IQCM: variants seen among roughly 807,000 people sequenced by gnomAD.
IQCM encodes the protein IQ domain-containing protein M.
In IQCM, 45 loss-of-function variants were observed where a neutral mutation model predicts 57.6. The observed-to-expected ratio is 0.78, with a 90% CI of 0.62 to 1.00. The LOEUF (loss-of-function observed/expected upper bound fraction) is 1.00, where lower values mean the gene tolerates loss of function less well. Among genes scored for constraint, IQCM ranks in the 50% least tolerant of loss-of-function variants. IQCM has a pLI of 0.00. For missense variants in IQCM, 468 were observed against 511.6 expected (o/e 0.91, Z 0.82); for synonymous variants, 148 against 158.9 (o/e 0.93, Z 0.51).
At chr4:149,520,198 ACCGTATATAAGGTGGGCAC>A (rs1385306357) in intron 12 of IQCM, among the ~76,000 whole-genome samples, 8 of 151,026 alleles carry the variant, frequency 5.3e-5, no homozygotes, top group Non-Finnish European at 7.4e-5. Flanking sequence ...TCCACAAAAA[ACCGTATATAAGGTGGGCAC>A]CATTTTTTTT....
intron 8 of IQCM, among the ~76,000 whole-genome samples, chr4:149,595,179 T>C (rs764082903): frequency 1.3e-5 from 2 of 152,188 alleles, no homozygotes; most frequent in African/African-American, 4.8e-5. Context: ...TTAGCTCTTC[T>C]TGTTGAATTG....
intron 12 of IQCM, among the ~76,000 whole-genome samples, chr4:149,491,852 T>C (rs1044162413): frequency 2.0e-5 from 3 of 152,098 alleles, no homozygotes; most frequent in Admixed American, 6.6e-5. Flanking sequence ...ATAGTGGCCA[T>C]ACTAATTTAT....
At chr4:149,518,295 A>G (rs1745203563) in intron 12 of IQCM, among the ~76,000 whole-genome samples, 2 of 152,194 alleles carry the variant, frequency 1.3e-5, no homozygotes, top group African/African-American at 4.8e-5. Flanking sequence ...TTAGCAAAAT[A>G]AGAGTAGGTC....
At chr4:149,688,237 A>G (rs1170963168) in intron 5 of IQCM, among the ~76,000 whole-genome samples, 1 of 152,002 alleles carries the variant, frequency 6.6e-6, no homozygotes, top group Non-Finnish European at 1.5e-5. Context: ...GAACTGATAA[A>G]AAAATTTCAG....
intron 13 of IQCM, among the ~76,000 whole-genome samples, chr4:149,417,612 G>T (rs1733834931): frequency 6.6e-6 from 1 of 152,062 alleles, no homozygotes; most frequent in Non-Finnish European, 1.5e-5. Flanking sequence ...TTTAACAGGT[G>T]CATCACAGAT....
At chr4:149,501,248 G>A (rs976740034) in intron 12 of IQCM, among the ~76,000 whole-genome samples, 5 of 152,066 alleles carry the variant, frequency 3.3e-5, no homozygotes, top group African/African-American at 9.7e-5. Flanking sequence ...CTGAATGATT[G>A]AACTAATCAC....
At chr4:149,706,854 G>A (rs934806807) in intron 5 of IQCM, among the ~76,000 whole-genome samples, 2 of 151,902 alleles carry the variant, frequency 1.3e-5, no homozygotes, top group Admixed American at 1.3e-4. Flanking sequence ...AAATGAAGGT[G>A]GAATGGTTAA....
chr4:149,679,053 T>C (rs1477973775), intron 7 of IQCM, among the ~76,000 whole-genome samples: 1 of 151,798 alleles, frequency 6.6e-6, no homozygotes, highest in African/African-American at 2.4e-5. Context: ...AAAAAGGAAA[T>C]GAATGTATCA....
intron 12 of IQCM, among the ~76,000 whole-genome samples, chr4:149,465,234 T>A (rs967516467): frequency 4.6e-5 from 7 of 152,342 alleles, no homozygotes; most frequent in African/African-American, 9.6e-5. Context: ...TGGTTTTTTT[T>A]AATCAATTGA....
At chr4:149,472,521 A>G (rs1193257234) in intron 12 of IQCM, among the ~76,000 whole-genome samples, 4 of 152,224 alleles carry the variant, frequency 2.6e-5, no homozygotes, top group Non-Finnish European at 5.9e-5. Context: ...AGGAAGAATC[A>G]ATATTGTGAA....
intron 2 of IQCM, among the ~76,000 whole-genome samples, chr4:149,766,942 A>T (rs1770121060): frequency 6.6e-6 from 1 of 152,122 alleles, no homozygotes; most frequent in Non-Finnish European, 1.5e-5. Flanking sequence ...ACCTAATAGT[A>T]GTAATCATAT....
intron 12 of IQCM, among the ~76,000 whole-genome samples, chr4:149,442,969 G>C (rs1237878800): frequency 2.6e-4 from 39 of 150,392 alleles, no homozygotes; most frequent in Admixed American, 3.3e-4. Flanking sequence ...GAGAGAGAGA[G>C]AGAGAGAGAG....
intron 13 of IQCM, among the ~76,000 whole-genome samples, chr4:149,383,537 T>G (rs538613995): frequency 7.1e-4 from 108 of 152,282 alleles, no homozygotes; most frequent in African/African-American, 2.5e-3. Context: ...TTCCAGAAAT[T>G]TTAAAGTCTT....
chr4:149,533,318 C>T (rs1267168935), intron 12 of IQCM, among the ~76,000 whole-genome samples: 4 of 151,928 alleles, frequency 2.6e-5, no homozygotes, highest in Admixed American at 6.6e-5. Context: ...CTGTATCTAG[C>T]GCCTGACTTA....
intron 5 of IQCM, among the ~76,000 whole-genome samples, chr4:149,729,180 G>A (rs759694127): frequency 3.3e-5 from 5 of 152,164 alleles, no homozygotes; most frequent in African/African-American, 4.8e-5. Context: ...CCTGGGACGC[G>A]CTCTCTTCAT....
chr4:149,738,632 A>G (rs149450791), intron 3 of IQCM, among the ~76,000 whole-genome samples: 1 of 152,278 alleles, frequency 6.6e-6, no homozygotes, highest in Admixed American at 6.5e-5. Context: ...ACTGAGCAGA[A>G]CAAGGCCTGA....
chr4:149,530,161 T>C (rs953387179), intron 12 of IQCM, among the ~76,000 whole-genome samples: 5 of 152,202 alleles, frequency 3.3e-5, no homozygotes, highest in African/African-American at 1.2e-4. Context: ...CATCTTGCTC[T>C]CTATCTTCTT....
intron 12 of IQCM, among the ~76,000 whole-genome samples, chr4:149,504,862 G>C (rs1376035828): frequency 1.3e-5 from 2 of 152,120 alleles, no homozygotes; most frequent in African/African-American, 4.8e-5. Flanking sequence ...GCAGTGAGCT[G>C]AGATCGTGTC....
intron 2 of IQCM, among the ~76,000 whole-genome samples, chr4:149,803,098 T>C (rs1773753434): frequency 6.6e-6 from 1 of 151,956 alleles, no homozygotes; most frequent in African/African-American, 2.4e-5. Context: ...ACAATGGAAC[T>C]GAGGTTTATA....
Sources: allele counts gnomAD v4.1 joint callset (sites outside exome capture counted in the v4.1 genomes callset), GRCh38; gene constraint gnomAD v4.1.1; transcripts MANE v1.5; gene names NCBI Gene and HGNC (gene_info 2026-07-23, HGNC 2026-07-21).